CD226: variants seen among roughly 807,000 people sequenced by gnomAD.
CD226 encodes the protein CD226 molecule.
Under a neutral mutation model 34.9 loss-of-function variants are expected in CD226, and 24 were observed. That is an observed-to-expected ratio of 0.69 (90% confidence interval 0.50 to 0.97). The LOEUF (loss-of-function observed/expected upper bound fraction) is 0.97, where lower values mean the gene tolerates loss of function less well. Among genes scored for constraint, CD226 ranks in the 50% least tolerant of loss-of-function variants. CD226 has a pLI of 0.00. For synonymous variants in CD226, 148 were observed against 147.4 expected (o/e 1.00, Z -0.03); for missense variants, 397 against 412.7 (o/e 0.96, Z 0.33).
chr18:69,922,414 T>C (rs1181904814), intron 2 of CD226, among the ~76,000 whole-genome samples: 1 of 152,198 alleles, frequency 6.6e-6, no homozygotes, highest in Non-Finnish European at 1.5e-5. Context: ...CCCAAGTAGC[T>C]GGGACCACAG....
In CD226 at chr18:69,873,167, G is replaced by A; in HGVS notation, c.807C>T (p.Thr269=). 6.3e-7 allele frequency: 1 copy of A among 1,598,202 alleles called. No homozygotes were observed. The highest frequency in any genetic ancestry group is 8.6e-7 in the Non-Finnish European group (1 of 1,165,696). Residue 269 remains threonine, a synonymous_variant, in exon 4 of 6, where the codon ACC becomes ACT. Coordinates refer to ENST00000582621, the MANE Select transcript of CD226 (RefSeq NM_001303618.2). ...ACCTGTTAAGGAAAATGACAATGAT[G>A]GTGGTAATTGAGATAACAAACAACA... ...LLLLFVISIT[T]IIVIFLNRRR...
chr18:69,921,543 C>T (rs1599010624), intron 2 of CD226, among the ~76,000 whole-genome samples: 1 of 152,168 alleles, frequency 6.6e-6, no homozygotes, highest in African/African-American at 2.4e-5. Flanking sequence ...CCTTCCTACC[C>T]AATCTCTTTA....
At position 69,856,627 on chromosome 18, in the gene CD226, TAA is replaced by T. The variant is rs1982617759; in HGVS notation, c.*7685_*7686del. On this transcript the variant is annotated 3_prime_UTR_variant, in exon 6 of 6. Transcript: ENST00000582621. ...GAATGTTTTTAAAACATGATGAAAT[TAA>T]GTTAGAAATCTGTAAGAGATATAAA... 6.6e-6 allele frequency: 1 copy of T among 152,022 alleles called. No individual in the cohort carries two copies. The highest frequency in any genetic ancestry group is 6.5e-5 in the Admixed American group (1 of 15,272). 9.4% of individuals were successfully genotyped at this position (152,022 alleles called of 1,614,324 possible).
chr18:69,906,507 G>A (rs923330829), intron 2 of CD226, among the ~76,000 whole-genome samples: 9 of 152,156 alleles, frequency 5.9e-5, no homozygotes, highest in Non-Finnish European at 1.0e-4. Context: ...CTTGCTCAGC[G>A]CTGCAAAAAT....
chr18:69,945,867 T>G (rs1217105337), intron 2 of CD226, among the ~76,000 whole-genome samples: 1 of 152,102 alleles, frequency 6.6e-6, no homozygotes, highest in African/African-American at 2.4e-5. Context: ...ACGTCTTACA[T>G]GGATGGCAGC....
At chr18:69,910,160 A>G (rs1057151389) in intron 2 of CD226, among the ~76,000 whole-genome samples, 1 of 152,222 alleles carries the variant, frequency 6.6e-6, no homozygotes, top group Non-Finnish European at 1.5e-5. Flanking sequence ...CTCTTGGTGC[A>G]CTGTGTTAGT....
chr18:69,902,742 T>A (rs1312334214), intron 2 of CD226, among the ~76,000 whole-genome samples: 1 of 151,902 alleles, frequency 6.6e-6, no homozygotes, highest in Non-Finnish European at 1.5e-5. Context: ...CACGAGACGA[T>A]AACTTGTTCT....
In CD226 at chr18:69,857,094, G is replaced by A. The variant is rs1476177047; in HGVS notation, c.*7220C>T. 1 of 152,300 alleles carries A rather than the reference G, an allele frequency of 6.6e-6. No homozygotes were observed. The highest frequency in any genetic ancestry group is 1.5e-5 in the Non-Finnish European group (1 of 68,136). 9.4% of individuals were successfully genotyped at this position (152,300 alleles called of 1,614,324 possible). A position where few individuals can be genotyped will look rare whatever the true frequency, so the allele number is the denominator to read the frequency against. On this transcript the variant is annotated 3_prime_UTR_variant, in exon 6 of 6. Transcript: ENST00000582621. ...TGAGGCAGGAGAATGGCGTGAACCT[G>A]GAAGACGCAGCTTGCGGTGAGCCGA...
intron 3 of CD226, among the ~76,000 whole-genome samples, chr18:69,893,533 T>C (rs1985028552): frequency 6.6e-6 from 1 of 152,246 alleles, no homozygotes; most frequent in African/African-American, 2.4e-5. Flanking sequence ...TTTATGACAC[T>C]TTTCTGAATA....
At chr18:69,871,743 G>A (rs1379024449) in intron 4 of CD226, among the ~76,000 whole-genome samples, 3 of 152,142 alleles carry the variant, frequency 2.0e-5, no homozygotes, top group East Asian at 3.9e-4. Flanking sequence ...ATCAACATCC[G>A]GGAGATTAAA....
At chr18:69,959,612 G>A (rs1447760026), upstream of CD226, among the ~76,000 whole-genome samples, 5 of 149,196 alleles carry the variant, frequency 3.4e-5, no homozygotes, top group Non-Finnish European at 6.0e-5. Flanking sequence ...TCTCTTTATA[G>A]GAAAATTCAG....
At chr18:69,884,528 T>C (rs537979887) in intron 3 of CD226, among the ~76,000 whole-genome samples, 4 of 152,248 alleles carry the variant, frequency 2.6e-5, no homozygotes, top group Non-Finnish European at 5.9e-5. Context: ...AAGTCTTTTG[T>C]CAGCTTTTGA....
upstream of CD226, among the ~76,000 whole-genome samples, chr18:69,961,049 A>G (rs191036249): frequency 2.0e-5 from 3 of 152,366 alleles, no homozygotes; most frequent in East Asian, 5.8e-4. Context: ...AACATGGTCA[A>G]ATAAAACAGA....
upstream of CD226, among the ~76,000 whole-genome samples, chr18:69,949,375 C>A (rs113675756): frequency 6.6e-6 from 1 of 152,162 alleles, no homozygotes; most frequent in Non-Finnish European, 1.5e-5. Flanking sequence ...CATGGAAGAC[C>A]TCCATCAGAA....
chr18:69,872,699 C>T (rs1238504076), intron 4 of CD226, among the ~76,000 whole-genome samples: 1 of 152,130 alleles, frequency 6.6e-6, no homozygotes, highest in African/African-American at 2.4e-5. Context: ...ATGCTGTTTG[C>T]TTATTGGGAT....
At position 69,895,919 on chromosome 18, in the gene CD226, G is replaced by T; in HGVS notation, c.509C>A (p.Pro170His). Residue 170 changes from proline to histidine, a missense_variant, in exon 3 of 6, where the codon CCC (proline) becomes CAC (histidine). Transcript: ENST00000582621. ...GTAAGTTAAGAGGTCGATCTGACGG[G>T]GCTGGATCTTTTCCCACCTCACTGC... ...VQAVRWEKIQ[P>H]RQIDLLTYCN... 6.2e-7 allele frequency: 1 copy of T among 1,614,134 alleles called. No individual in the cohort carries two copies. Among genetic ancestry groups the T allele is most frequent in the South Asian group, 1.1e-5 (1 of 91,080 alleles).
intron 2 of CD226, among the ~76,000 whole-genome samples, chr18:69,912,875 G>A (rs2055342584): frequency 6.6e-6 from 1 of 151,078 alleles, no homozygotes; most frequent in Admixed American, 6.5e-5. Context: ...GTAACAAATG[G>A]GATCTGTTTC....
At chr18:69,898,806 A>C (rs192887767) in intron 2 of CD226, among the ~76,000 whole-genome samples, 277 of 152,302 alleles carry the variant, frequency 1.8e-3, no homozygotes, top group Middle Eastern at 6.8e-3. Flanking sequence ...GCTCAGTGGA[A>C]GGCAGCTCAA....
At chr18:69,910,355 TTGATA>T (rs1476581674) in intron 2 of CD226, among the ~76,000 whole-genome samples, 2 of 152,184 alleles carry the variant, frequency 1.3e-5, no homozygotes, top group Non-Finnish European at 2.9e-5. Context: ...GAGGTACCCC[TTGATA>T]TGATGTGATG....
Sources: gnomAD v4.1 joint callset for allele counts (sites outside exome capture counted in the v4.1 genomes callset) on GRCh38, gnomAD v4.1.1 for gene constraint, MANE v1.5 for transcripts, NCBI Gene and HGNC (gene_info 2026-07-23, HGNC 2026-07-21) for gene names.